Variants in FBXO9 observed in about 807,000 individuals in gnomAD.
The protein encoded by FBXO9 is F-box protein 9.
FBXO9 carries 43 observed loss-of-function variants against 63.7 expected under a neutral mutation model. That is an observed-to-expected ratio of 0.67 (90% CI 0.53 to 0.87). The LOEUF (loss-of-function observed/expected upper bound fraction) is 0.87, where lower values mean the gene tolerates loss of function less well. Among genes scored for constraint, FBXO9 ranks in the 40% least tolerant of loss-of-function variants. The probability of loss-of-function intolerance (pLI) is 0.00; values close to 1 mark genes in which losing one functional copy is unlikely to be tolerated. For synonymous variants in FBXO9, 156 were observed against 171.7 expected, an observed-to-expected ratio of 0.91 and a Z score of 0.72; for missense variants, 442 against 533.2, an observed-to-expected ratio of 0.83 and a Z score of 1.68.
chr6:53,070,095 T>A (rs1168726921), intron 1 of FBXO9, among the ~76,000 whole-genome samples: 1 of 147,530 alleles, frequency 6.8e-6, no homozygotes, highest in Non-Finnish European at 1.5e-5. Flanking sequence ...CTCGGCTCAC[T>A]GCAACCTCCA....
intron 7 of FBXO9, among the ~76,000 whole-genome samples, chr6:53,084,278 T>C (rs1008325537): frequency 1.3e-5 from 2 of 152,200 alleles, no homozygotes; most frequent in African/African-American, 4.8e-5. Flanking sequence ...TTATTTTGTG[T>C]ACATGGGTCT....
At position 53,083,782 on chromosome 6, in the gene FBXO9, C is replaced by T. The variant is rs370352110; in HGVS notation, c.653+1164C>T. 1.2e-3 allele frequency among the ~76,000 whole-genome samples: 178 copies of T among 152,304 alleles called. 7 individuals carry two copies. The South Asian group carries it at 0.037, about 32-fold the overall frequency. ...AGGGTTTTCTTAACATTAGTGGCTC[C>T]ATTTTTATTTTAACAACTTTCACAT... On this transcript the variant is annotated intron_variant, in intron 7 of 12. Transcript: ENST00000323557.
chr6:53,094,288 C>G (rs62412985), intron 11 of FBXO9, among the ~76,000 whole-genome samples: 9,723 of 152,104 alleles, frequency 0.064, 439 homozygotes, highest in Non-Finnish European at 0.1. Flanking sequence ...CTGCTCATGT[C>G]GAATCACAGG....
chr6:53,084,696 G>A (rs562868161), intron 7 of FBXO9, among the ~76,000 whole-genome samples: 2 of 152,280 alleles, frequency 1.3e-5, no homozygotes, highest in African/African-American at 4.8e-5. Flanking sequence ...TAGTTGGCGT[G>A]TTGTAGTCCA....
chr6:53,074,631 C>T (rs950704707), intron 3 of FBXO9, among the ~76,000 whole-genome samples: 8 of 152,198 alleles, frequency 5.3e-5, no homozygotes, highest in East Asian at 1.9e-4. Context: ...CCTAGCCATT[C>T]GTAACCACTG....
rs1317751484 is a variant in FBXO9 at position 53,065,601 on chromosome 6, G to T, written c.-189G>T. ...CCGATCTGGCCCCCTGCCCCGCGAA[G>T]ATGGCTGCCGTACGCCGGGCCCGCA... is the stretch of plus-strand genomic sequence containing the variant. On this transcript the variant is annotated 5_prime_UTR_variant, in exon 1 of 13. Transcript: ENST00000323557. The T allele has an allele frequency of 2.0e-5, 13 of 647,120 alleles. No individual in the cohort carries two copies. Among genetic ancestry groups the T allele is most frequent in the Non-Finnish European group, 2.7e-5 (12 of 444,908 alleles). 40.1% of individuals were successfully genotyped at this position (647,120 alleles called of 1,614,324 possible).
chr6:53,093,410 A>G (rs1399063568), intron 9 of FBXO9, 56 bp from the exon 10 acceptor site: 3 of 1,199,364 alleles, frequency 2.5e-6, no homozygotes, highest in African/African-American at 1.5e-5. Flanking sequence ...AGATAAGGAC[A>G]TATTTTATAC....
chr6:53,082,428 T>A (rs1769345621), intron 6 of FBXO9, 76 bp from the exon 7 acceptor site: 2 of 924,192 alleles, frequency 2.2e-6, no homozygotes, highest in Non-Finnish European at 3.4e-6. Context: ...TAGGAAGGTA[T>A]AAATGTACTG....
At chr6:53,073,301 C>T (rs1409915069) in intron 2 of FBXO9, among the ~76,000 whole-genome samples, 180 bp from the exon 3 acceptor site, 1 of 152,176 alleles carries the variant, frequency 6.6e-6, no homozygotes, top group East Asian at 1.9e-4. Context: ...AAGTTTTGAG[C>T]AGAAAATTAT....
intron 4 of FBXO9, among the ~76,000 whole-genome samples, chr6:53,077,547 C>T (rs1448465708): frequency 4.1e-5 from 6 of 147,382 alleles, no homozygotes; most frequent in Non-Finnish European, 8.9e-5. Flanking sequence ...TTTATTAACC[C>T]AATAGAAATG....
chr6:53,092,031 C>T lies in FBXO9; in HGVS notation c.654-398C>T, dbSNP rs115382204. The T allele has an allele frequency of 4.2e-3, 761 of 181,306 alleles. 6 individuals carry two copies. Among genetic ancestry groups the T allele is most frequent in the African/African-American group, 0.017 (716 of 41,952 alleles). 11.2% of individuals were successfully genotyped at this position (181,306 alleles called of 1,614,324 possible). A position where few individuals can be genotyped will look rare whatever the true frequency, so the allele number is the denominator to read the frequency against. ...ACTTTGCCACAGCTGTGTGCTCCTG[C>T]TGGCTCTTGGATGAGCCCACCAGTC... On this transcript the variant is annotated intron_variant, in intron 7 of 12. Coordinates refer to ENST00000323557, the MANE Select transcript of FBXO9 (RefSeq NM_033480.3).
chr6:53,078,909 A>G lies in FBXO9; in HGVS notation c.407+11A>G. ...CGTTGGAAACAGCTAGTGCGTATAT[A>G]ATTTGATAGATAGTAATGCATAGAG... On this transcript the variant is annotated intron_variant, in intron 5 of 12. Transcript: ENST00000323557. 6.3e-7 allele frequency: 1 copy of G among 1,593,218 alleles called. No individual in the cohort carries two copies. The highest frequency in any genetic ancestry group is 1.7e-5 in the Admixed American group (1 of 59,958).
rs1384482967 is a variant in FBXO9, at chr6:53,082,632, G to GT, written c.653+19dup. 6.3e-7 allele frequency: 1 copy of GT among 1,585,826 alleles called. No homozygotes were observed. The highest frequency in any genetic ancestry group is 8.6e-7 in the Non-Finnish European group (1 of 1,161,836). ...CATCTGTGCCAGGTACTAAGTTTTT[G>GT]TTTTTGTTTTTTAAACAACTGAGGC... On this transcript the variant is annotated intron_variant, in intron 7 of 12. Coordinates refer to ENST00000323557, the MANE Select transcript of FBXO9 (RefSeq NM_033480.3).
intron 4 of FBXO9, among the ~76,000 whole-genome samples, chr6:53,078,450 C>A (rs1769194687): frequency 6.6e-6 from 1 of 152,060 alleles, no homozygotes; most frequent in Non-Finnish European, 1.5e-5. Flanking sequence ...CAGAGTGAGA[C>A]CTTGTCTTAA....
intron 3 of FBXO9, 69 bp downstream of exon 3, chr6:53,073,708 CAGTA>C (rs1769001549): frequency 4.6e-6 from 6 of 1,318,324 alleles, no homozygotes; most frequent in Admixed American, 2.3e-5. Flanking sequence ...TTCACTGACA[CAGTA>C]AGTAGGCATT....
intron 9 of FBXO9, chr6:53,093,036 T>G (rs1763090979): frequency 6.8e-6 from 3 of 443,582 alleles, no homozygotes; most frequent in Non-Finnish European, 7.9e-6. Context: ...TTCTTGTCTT[T>G]TGCCCTGGGT....
At chr6:53,076,224 T>C (rs1158318120) in intron 3 of FBXO9, among the ~76,000 whole-genome samples, 1 of 152,192 alleles carries the variant, frequency 6.6e-6, no homozygotes, top group African/African-American at 2.4e-5. Flanking sequence ...GTGCTTTTGG[T>C]GTCAAGAACT....
At chr6:53,067,097 G>A (rs930547042) in intron 1 of FBXO9, among the ~76,000 whole-genome samples, 26 of 152,088 alleles carry the variant, frequency 1.7e-4, no homozygotes, top group Admixed American at 4.6e-4. Flanking sequence ...ATATTTTTGA[G>A]TACCTATTAG....
chr6:53,079,577 A>C (rs1301972451), intron 5 of FBXO9, among the ~76,000 whole-genome samples: 1 of 152,186 alleles, frequency 6.6e-6, no homozygotes, highest in Non-Finnish European at 1.5e-5. Context: ...ATACTTTTGC[A>C]AGACAATTAT....
Sources: gnomAD v4.1 joint callset for allele counts (sites outside exome capture counted in the v4.1 genomes callset) on GRCh38, gnomAD v4.1.1 for gene constraint, MANE v1.5 for transcripts, NCBI Gene and HGNC (gene_info 2026-07-23, HGNC 2026-07-21) for gene names.